The following TTC28 variants were observed in gnomAD, a reference collection of about 807,000 sequenced individuals.
TTC28 encodes the protein tetratricopeptide repeat domain 28.
In TTC28, 61 loss-of-function variants were observed where a neutral mutation model predicts 198.0. The observed-to-expected ratio is 0.31, with a 90% CI of 0.25 to 0.38. The LOEUF is 0.38. Among genes scored for constraint, TTC28 ranks in the 10% least tolerant of loss-of-function variants. TTC28 has a pLI of 1.00. For synonymous variants in TTC28, 1,171 were observed against 1,297.8 expected (o/e 0.90, Z 2.10); for missense variants, 2,678 against 3,164.0 (o/e 0.85, Z 3.69).
At chr22:28,187,899 C>A (rs1924354391) in intron 5 of TTC28, among the ~76,000 whole-genome samples, 1 of 152,228 alleles carries the variant, frequency 6.6e-6, no homozygotes, top group Admixed American at 6.5e-5. Flanking sequence ...AGCCTCACCA[C>A]AATGGCAGAA....
intron 5 of TTC28, among the ~76,000 whole-genome samples, chr22:28,250,368 T>G (rs979974279): frequency 1.3e-5 from 2 of 152,230 alleles, no homozygotes; most frequent in African/African-American, 4.8e-5. Context: ...ATTTTTAGCC[T>G]TACTATTCTT....
intron 13 of TTC28, among the ~76,000 whole-genome samples, chr22:28,017,833 C>A (rs540177059): frequency 6.6e-6 from 1 of 152,174 alleles, no homozygotes; most frequent in Non-Finnish European, 1.5e-5. Flanking sequence ...AACATTCCCC[C>A]CATCCCCAGG....
intron 2 of TTC28, among the ~76,000 whole-genome samples, chr22:28,540,276 A>G (rs746983142): frequency 3.9e-5 from 6 of 152,066 alleles, no homozygotes; most frequent in Non-Finnish European, 8.8e-5. Context: ...GTAGAAGGCA[A>G]AGTGGGAACA....
chr22:28,440,348 G>A (rs942384967), intron 2 of TTC28, among the ~76,000 whole-genome samples: 11 of 152,040 alleles, frequency 7.2e-5, no homozygotes, highest in Admixed American at 6.6e-4. Flanking sequence ...AACCCTAACT[G>A]AATATTGCAG....
intron 2 of TTC28, among the ~76,000 whole-genome samples, chr22:28,425,248 A>T (rs1045297300): frequency 6.6e-6 from 1 of 152,198 alleles, no homozygotes; most frequent in Non-Finnish European, 1.5e-5. Flanking sequence ...ACCTGTCAGA[A>T]CTCTGTTTTC....
At chr22:28,178,415 C>T (rs1923379966) in intron 5 of TTC28, among the ~76,000 whole-genome samples, 1 of 151,682 alleles carries the variant, frequency 6.6e-6, no homozygotes, top group Admixed American at 6.6e-5. Flanking sequence ...TGCAGTGAGC[C>T]GAGATGGCAC....
At chr22:28,182,461 A>C (rs547906113) in intron 5 of TTC28, among the ~76,000 whole-genome samples, 25 of 152,300 alleles carry the variant, frequency 1.6e-4, no homozygotes, top group African/African-American at 5.5e-4. Context: ...TGGAAAACAC[A>C]CACATGTACA....
intron 5 of TTC28, among the ~76,000 whole-genome samples, chr22:28,193,799 GA>G (rs1244954347): frequency 6.6e-6 from 1 of 152,102 alleles, no homozygotes; most frequent in Non-Finnish European, 1.5e-5. Context: ...AGTCCTTAGA[GA>G]CCTACCAAGA....
intron 6 of TTC28, among the ~76,000 whole-genome samples, chr22:28,127,039 A>C (rs902569233): frequency 2.6e-5 from 4 of 152,204 alleles, no homozygotes; most frequent in Non-Finnish European, 5.9e-5. Flanking sequence ...AATTTTAAAA[A>C]TATCTTAATA....
chr22:28,332,769 T>C (rs966093637), intron 2 of TTC28, among the ~76,000 whole-genome samples: 2 of 152,106 alleles, frequency 1.3e-5, no homozygotes, highest in Admixed American at 1.3e-4. Flanking sequence ...TTGCAAGATA[T>C]CTTTTTTATT....
intron 2 of TTC28, among the ~76,000 whole-genome samples, chr22:28,517,093 T>C (rs1351577127): frequency 6.6e-6 from 1 of 152,164 alleles, no homozygotes; most frequent in Non-Finnish European, 1.5e-5. Context: ...AACCAAGTGT[T>C]TCCAAATCTA....
intron 5 of TTC28, among the ~76,000 whole-genome samples, chr22:28,227,021 C>T (rs1444018017): frequency 6.6e-6 from 1 of 152,042 alleles, no homozygotes; most frequent in Non-Finnish European, 1.5e-5. Flanking sequence ...AAACTCCTGG[C>T]TCAAATGATC....
chr22:28,132,717 T>G (rs74925129), intron 6 of TTC28, among the ~76,000 whole-genome samples: 2,822 of 152,240 alleles, frequency 0.019, 76 homozygotes, highest in African/African-American at 0.065. Context: ...CTACCTCAAA[T>G]CCTTCAGCAA....
chr22:28,221,458 G>A (rs1039820729), intron 5 of TTC28, among the ~76,000 whole-genome samples: 4 of 152,194 alleles, frequency 2.6e-5, no homozygotes, highest in African/African-American at 9.7e-5. Flanking sequence ...TTAAGGTATT[G>A]GTGTTGGGAG....
Position 28,014,229 on chromosome 22 carries a change from G to A in TTC28, c.4218+19C>T. On this transcript the variant is annotated intron_variant, in intron 14 of 22. Coordinates refer to ENST00000397906, the MANE Select transcript of TTC28 (RefSeq NM_001145418.2). ...GTGTTCTGATGCGGAGGAGCCTTGTGCCCCCAGGAGGTGCTTACCCCTTCC... is the reference window on the plus strand; with the variant it reads ...GTGTTCTGATGCGGAGGAGCCTTGTACCCCCAGGAGGTGCTTACCCCTTCC... 1 of 1,544,270 alleles carries A rather than the reference G, an allele frequency of 6.5e-7. No individual in the cohort carries two copies. The highest frequency in any genetic ancestry group is 1.4e-5 in the African/African-American group (1 of 72,990).
intron 12 of TTC28, among the ~76,000 whole-genome samples, chr22:28,046,535 G>A (rs1157781967): frequency 1.3e-5 from 2 of 152,156 alleles, no homozygotes; most frequent in African/African-American, 4.8e-5. Flanking sequence ...TGACCAAAAC[G>A]TCATTATGTG....
chr22:28,106,305 C>T (rs533869422), intron 7 of TTC28, among the ~76,000 whole-genome samples: 33 of 152,260 alleles, frequency 2.2e-4, no homozygotes, highest in African/African-American at 7.7e-4. Context: ...ACACAGGCAC[C>T]TTCTTGGGTT....
chr22:28,132,305 G>C (rs138278447), intron 6 of TTC28, among the ~76,000 whole-genome samples: 1 of 152,196 alleles, frequency 6.6e-6, no homozygotes, highest in Non-Finnish European at 1.5e-5. Context: ...TGGAAAGACT[G>C]AATGGAGAGA....
chr22:28,299,704 T>G (rs544901372), intron 3 of TTC28, among the ~76,000 whole-genome samples: 12 of 152,230 alleles, frequency 7.9e-5, no homozygotes, highest in African/African-American at 2.4e-4. Flanking sequence ...TAATAGAATT[T>G]TAGAGTTGAA....
Sources: allele counts gnomAD v4.1 joint callset (sites outside exome capture counted in the v4.1 genomes callset), GRCh38; gene constraint gnomAD v4.1.1; transcripts MANE v1.5; gene names NCBI Gene and HGNC (gene_info 2026-07-23, HGNC 2026-07-21).